MLLT3: variants seen among roughly 807,000 people sequenced by gnomAD.
MLLT3 encodes the protein MLLT3 super elongation complex subunit.
A neutral mutation model predicts 53.2 loss-of-function variants in MLLT3; 4 were observed. That is an observed-to-expected ratio of 0.08 (90% confidence interval 0.04 to 0.17). The LOEUF is 0.17. Ranked by LOEUF, MLLT3 falls within the 10% of genes least tolerant of loss-of-function variation. MLLT3 has a pLI of 1.00. For synonymous variants in MLLT3, 283 were observed against 230.6 expected, an observed-to-expected ratio of 1.23 and a Z score of -2.06; for missense variants, 569 against 684.0, an observed-to-expected ratio of 0.83 and a Z score of 1.87.
chr9:20,402,926 G>A lies in MLLT3; in HGVS notation c.1125+10795C>T, dbSNP rs756497064. On this transcript the variant is annotated intron_variant, in intron 5 of 10. Transcript: ENST00000380338. Reference sequence around the variant, plus strand: ...GCTGGACCAAGAGGTCACATTGGCCGTACGCCTGACAGGCTTAAATAAGTG... The same window carrying A: ...GCTGGACCAAGAGGTCACATTGGCCATACGCCTGACAGGCTTAAATAAGTG... 4.6e-5 allele frequency among the ~76,000 whole-genome samples: 7 copies of A among 152,186 alleles called. No individual in the cohort carries two copies. In the South Asian group the frequency reaches 6.2e-4, roughly 14 times the overall value.
rs1367693527 is a variant in MLLT3 at position 20,414,019 on chromosome 9, T to G, written c.827A>C (p.Gln276Pro). 1 of 1,614,204 alleles carries G rather than the reference T, an allele frequency of 6.2e-7. No homozygotes were observed. The highest frequency in any genetic ancestry group is 1.7e-5 in the Admixed American group (1 of 60,018). Residue 276 changes from glutamine (Q) to proline (P), a missense_variant, in exon 5 of 11, where the codon CAA becomes CCA. By Grantham distance (76) the Gln-to-Pro change is moderately conservative. Coordinates refer to ENST00000380338, the MANE Select transcript of MLLT3 (RefSeq NM_004529.4). ...DSNLLTITSGQDKKAPSKRPP... is the reference protein window; with the variant it reads ...DSNLLTITSGPDKKAPSKRPP... ...CCTTTTACTAGGAGCCTTCTTATCTTGTCCACTGGTGATGGTGAGTAAGTT... is the reference window on the plus strand; with the variant it reads ...CCTTTTACTAGGAGCCTTCTTATCTGGTCCACTGGTGATGGTGAGTAAGTT...
chr9:20,548,496 C>T (rs770449555), intron 2 of MLLT3, among the ~76,000 whole-genome samples: 14 of 152,058 alleles, frequency 9.2e-5, no homozygotes, highest in Non-Finnish European at 1.8e-4. Flanking sequence ...ATTTGACATC[C>T]CATTGGAGTA....
intron 2 of MLLT3, among the ~76,000 whole-genome samples, chr9:20,609,822 C>A (rs1242923437): frequency 6.6e-6 from 1 of 152,088 alleles, no homozygotes; most frequent in Non-Finnish European, 1.5e-5. Context: ...ACTGTCCATT[C>A]ACCATAAGAA....
At chr9:20,519,434 G>T (rs1386523822) in intron 2 of MLLT3, among the ~76,000 whole-genome samples, 1 of 152,102 alleles carries the variant, frequency 6.6e-6, no homozygotes, top group Non-Finnish European at 1.5e-5. Context: ...CCTAATGATT[G>T]CCAGATGGAA....
chr9:20,355,298 G>C (rs1270186690), intron 8 of MLLT3, among the ~76,000 whole-genome samples: 2 of 152,084 alleles, frequency 1.3e-5, no homozygotes, highest in African/African-American at 4.8e-5. Context: ...GTATGCTAGG[G>C]ATGATAAAAA....
chr9:20,549,376 G>T (rs934914793), intron 2 of MLLT3, among the ~76,000 whole-genome samples: 1 of 152,070 alleles, frequency 6.6e-6, no homozygotes, highest in South Asian at 2.1e-4. Context: ...ACCCAGCATG[G>T]TTTATAACAA....
Position 20,345,539 on chromosome 9 carries a change from T to C in MLLT3, c.*904A>G, listed in dbSNP as rs988189851. On this transcript the variant is annotated 3_prime_UTR_variant, in exon 11 of 11. Transcript: ENST00000380338. Reference sequence around the variant, plus strand: ...ATCCTGTGGAATGCCTTTACTTCCATATTCACCTAATATTGTAACAGTAAA... The same window carrying C: ...ATCCTGTGGAATGCCTTTACTTCCACATTCACCTAATATTGTAACAGTAAA... 1 of 201,142 alleles carries C rather than the reference T, an allele frequency of 5.0e-6. No homozygotes were observed. The highest frequency in any genetic ancestry group is 2.3e-5 in the African/African-American group (1 of 43,554). 12.5% of individuals were successfully genotyped at this position (201,142 alleles called of 1,614,324 possible). A position where few individuals can be genotyped will look rare whatever the true frequency, so the allele number is the denominator to read the frequency against.
At chr9:20,387,463 T>C (rs1372157527) in intron 5 of MLLT3, among the ~76,000 whole-genome samples, 1 of 152,222 alleles carries the variant, frequency 6.6e-6, no homozygotes, top group Non-Finnish European at 1.5e-5. Flanking sequence ...TTGGCTTTTT[T>C]GTTTTTGCGG....
chr9:20,384,949 ATTATCTGGTCTTTCCCTCTTCTT>A (rs1212440061), intron 5 of MLLT3, among the ~76,000 whole-genome samples: 1 of 152,074 alleles, frequency 6.6e-6, no homozygotes, highest in African/African-American at 2.4e-5. Context: ...GGTGGTCTAG[ATTATCTGGTCTTTCCCTCTTCTT>A]TGCCTTTTTA....
intron 5 of MLLT3, among the ~76,000 whole-genome samples, chr9:20,394,710 C>T (rs1301446831): frequency 1.3e-5 from 2 of 152,024 alleles, no homozygotes; most frequent in Non-Finnish European, 2.9e-5. Flanking sequence ...CTGTAAGATA[C>T]ACTTTGTAAC....
At chr9:20,593,132 A>G (rs1480109817) in intron 2 of MLLT3, among the ~76,000 whole-genome samples, 1 of 152,220 alleles carries the variant, frequency 6.6e-6, no homozygotes, top group Non-Finnish European at 1.5e-5. Context: ...ATGACTCTTC[A>G]GAAGCCACAA....
intron 2 of MLLT3, among the ~76,000 whole-genome samples, chr9:20,481,101 G>C (rs763609404): frequency 6.6e-6 from 1 of 152,100 alleles, no homozygotes; most frequent in African/African-American, 2.4e-5. Flanking sequence ...TTTATGACAG[G>C]AACCTCAAGT....
chr9:20,551,893 ATGT>A (rs1165174519), intron 2 of MLLT3, among the ~76,000 whole-genome samples: 6 of 152,200 alleles, frequency 3.9e-5, no homozygotes, highest in African/African-American at 7.2e-5. Context: ...CACGAAATTC[ATGT>A]TGTTAAGTCT....
chr9:20,411,127 C>T (rs746625564), intron 5 of MLLT3: 2 of 152,520 alleles, frequency 1.3e-5, no homozygotes, highest in Non-Finnish European at 2.9e-5. Flanking sequence ...TGCCCCAAGC[C>T]ACCAAGTCAA....
chr9:20,538,988 T>C (rs1271696155), intron 2 of MLLT3, among the ~76,000 whole-genome samples: 1 of 152,240 alleles, frequency 6.6e-6, no homozygotes, highest in African/African-American at 2.4e-5. Flanking sequence ...TTAAAAAAAA[T>C]GCTAACAATC....
At chr9:20,531,684 A>G (rs1818340356) in intron 2 of MLLT3, among the ~76,000 whole-genome samples, 1 of 152,196 alleles carries the variant, frequency 6.6e-6, no homozygotes, top group Non-Finnish European at 1.5e-5. Flanking sequence ...CACTGAATGT[A>G]TAACTGATCT....
At position 20,346,286 on chromosome 9, in the gene MLLT3, TA is replaced by T. The variant is rs1185812689; in HGVS notation, c.*156del. 1.3e-6 allele frequency: 1 copy of T among 790,286 alleles called. No individual in the cohort carries two copies. The highest frequency in any genetic ancestry group is 1.9e-6 in the Non-Finnish European group (1 of 537,894). The allele number at this position is 790,286 out of a possible 1,614,324, so 49.0% of individuals were successfully genotyped here. ...GATGATGACTGGCTTTAAAGAAAAA[TA>T]AAGCTGAAGGTTGTTTGATTTTTAT... is the stretch of plus-strand genomic sequence containing the variant. On this transcript the variant is annotated 3_prime_UTR_variant, in exon 11 of 11. Coordinates refer to ENST00000380338, the MANE Select transcript of MLLT3 (RefSeq NM_004529.4).
chr9:20,443,883 AG>A (rs1823620879), intron 4 of MLLT3, among the ~76,000 whole-genome samples: 1 of 152,210 alleles, frequency 6.6e-6, no homozygotes, highest in African/African-American at 2.4e-5. Flanking sequence ...GGTTTTTCCC[AG>A]GGTTACCCAG....
chr9:20,607,314 C>T (rs1400156627), intron 2 of MLLT3, among the ~76,000 whole-genome samples: 3 of 152,014 alleles, frequency 2.0e-5, no homozygotes, highest in African/African-American at 2.4e-5. Context: ...CTAATAAAAG[C>T]AGCAAATAAA....
Sources: allele counts gnomAD v4.1 joint callset (sites outside exome capture counted in the v4.1 genomes callset), GRCh38; gene constraint gnomAD v4.1.1; transcripts MANE v1.5; gene names NCBI Gene and HGNC (gene_info 2026-07-23, HGNC 2026-07-21).